PSG6: variants seen among roughly 807,000 people sequenced by gnomAD.
PSG6 encodes pregnancy-specific beta-1-glycoprotein 6.
A neutral mutation model predicts 43.3 loss-of-function variants in PSG6; 51 were observed. The ratio of observed to expected loss-of-function variants is 1.18; its 90% confidence interval spans 0.94 to 1.49. The LOEUF (loss-of-function observed/expected upper bound fraction) is 1.49, where lower values mean the gene tolerates loss of function less well. Among genes scored for constraint, PSG6 ranks in the 40% most tolerant of loss-of-function variants. PSG6 has a pLI of 0.00. For missense variants in PSG6, 770 were observed against 522.2 expected, an observed-to-expected ratio of 1.47 and a Z score of -4.62; for synonymous variants, 292 against 197.6, an observed-to-expected ratio of 1.48 and a Z score of -4.01.
Position 42,907,095 on chromosome 19 carries a change from T to A in PSG6, c.1067A>T (p.Asp356Val). The change falls in exon 5 of 6, where the codon GAC becomes GTC. Residue 356 changes from aspartate (D) to valine (V), a missense_variant. By Grantham distance (152) the Asp-to-Val change is radical (BLOSUM62 -3). Transcript: ENST00000187910. ...GENLDLSCFA[D>V]SNPPAEYSWT... ...AGAATACTCTGCCGGTGGGTTAGAG[T>A]CCGCAAAGCAGGACAAGTCGAGGTT... 1 of 1,612,550 alleles carries A rather than the reference T, an allele frequency of 6.2e-7. No individual in the cohort carries two copies. The highest frequency in any genetic ancestry group is 8.5e-7 in the Non-Finnish European group (1 of 1,179,224).
In PSG6 at chr19:42,907,099, C is replaced by T; in HGVS notation, c.1063G>A (p.Ala355Thr). ...SGENLDLSCF[A>T]DSNPPAEYSW... is the part of the protein sequence containing the mutation. Reference sequence around the variant, plus strand: ...TACTCTGCCGGTGGGTTAGAGTCCGCAAAGCAGGACAAGTCGAGGTTTTCT... The same window carrying T: ...TACTCTGCCGGTGGGTTAGAGTCCGTAAAGCAGGACAAGTCGAGGTTTTCT... Residue 355 changes from alanine (A) to threonine (T), a missense_variant, in exon 5 of 6, where the codon GCG becomes ACG. Coordinates refer to ENST00000187910, the MANE Select transcript of PSG6 (RefSeq NM_001031850.4). The T allele has an allele frequency of 1.2e-6, 2 of 1,612,698 alleles. No individual in the cohort carries two copies. The highest frequency in any genetic ancestry group is 8.5e-7 in the Non-Finnish European group (1 of 1,179,256).
intron 2 of PSG6, chr19:42,915,206 TCA>T (rs1211713327): frequency 6.6e-6 from 1 of 151,164 alleles, no homozygotes; most frequent in Admixed American, 6.6e-5. Flanking sequence ...TTCCTGTGCC[TCA>T]GTTTTCTCTC....
Position 42,916,155 on chromosome 19 carries a change from C to T in PSG6, c.397G>A (p.Val133Ile). The change falls in exon 2 of 6, where the codon GTA (valine) becomes ATA (isoleucine). Residue 133 changes from valine (V) to isoleucine (I), a missense_variant. Physicochemically the swap from Val to Ile is conservative, Grantham distance 29 (BLOSUM62 3). Coordinates refer to ENST00000187910, the MANE Select transcript of PSG6 (RefSeq NM_001031850.4). ...AAGGTGACAGTGAAATATCCAGTTACTCCTCCAGTCCCATCGCCTCGCTTT... is the reference window on the plus strand; with the variant it reads ...AAGGTGACAGTGAAATATCCAGTTATTCCTCCAGTCCCATCGCCTCGCTTT... ...IIKRGDGTGG[V>I]TGYFTVTLYS... is the part of the protein sequence containing the mutation. The T allele has an allele frequency of 1.9e-6, 3 of 1,611,980 alleles. No homozygotes were observed. Among genetic ancestry groups the T allele is most frequent in the Non-Finnish European group, 2.5e-6 (3 of 1,178,978 alleles).
chr19:42,911,020 G>A (rs1338568442), intron 2 of PSG6, among the ~76,000 whole-genome samples, 162 bp from the exon 3 acceptor site: 1 of 151,496 alleles, frequency 6.6e-6, no homozygotes, highest in Non-Finnish European at 1.5e-5. Flanking sequence ...GCAACCTGAG[G>A]GCTCAGTGAT....
At chr19:42,906,584 C>A in intron 5 of PSG6, 2 of 1,331,354 alleles carry the variant, frequency 1.5e-6, no homozygotes, top group Non-Finnish European at 2.0e-6. Context: ...AAAGACATGG[C>A]AGAAGGGGAT....
At chr19:42,906,073 G>A (rs1244413483) in intron 5 of PSG6, among the ~76,000 whole-genome samples, 2 of 151,554 alleles carry the variant, frequency 1.3e-5, no homozygotes, top group African/African-American at 4.9e-5. Context: ...GTGTCTCGTG[G>A]TCTTGCCCTC....
rs778542201 is a variant in PSG6 at position 42,917,866 on chromosome 19, A to C, written c.-74T>G. On this transcript the variant is annotated 5_prime_UTR_variant, in exon 1 of 6. Transcript: ENST00000187910. ...CAGAGACTTCCTGAGCAGGGCTGTC[A>C]GGTGTGCTGTCCTTCCTCCTTCTGT... is the stretch of plus-strand genomic sequence containing the variant. 8.5e-4 allele frequency: 1,312 copies of C among 1,538,654 alleles called. 28 individuals carry two copies. The highest frequency in any genetic ancestry group is 1.5e-4 in the Non-Finnish European group (171 of 1,131,068).
At position 42,903,656 on chromosome 19, in the gene PSG6, A is replaced by G. The variant is rs1972068498; in HGVS notation, c.1241-1210T>C. The G allele has an allele frequency of 2.6e-6, 4 of 1,527,542 alleles. 1 individual carries two copies. The highest frequency in any genetic ancestry group is 3.5e-6 in the Non-Finnish European group (4 of 1,135,640). The allele number at this position is 1,527,542 out of a possible 1,614,324, so 94.6% of individuals were successfully genotyped here. On this transcript the variant is annotated intron_variant, in intron 5 of 5. Coordinates refer to ENST00000187910, the MANE Select transcript of PSG6 (RefSeq NM_001031850.4). ...TTTAATCCTAGCACTTTGGGAGGTC[A>G]CAGCAGAAGGATTTCTTGAAACCAG...
intron 2 of PSG6, chr19:42,915,865 C>T: frequency 1.7e-6 from 1 of 582,996 alleles, no homozygotes; most frequent in Admixed American, 3.3e-5. Context: ...TTGGCTGAGA[C>T]TGATCTCCTC....
chr19:42,907,849 G>T lies in PSG6; in HGVS notation c.712C>A (p.Leu238Met). ...TTGATGGTGATGTAAGGCATGGGCA[G>T]CTTCGCTGTGTGGATAACAGAAGAT... is the stretch of plus-strand genomic sequence containing the variant. ...DPVTLNLLPK[L>M]PMPYITINNL... Residue 238 changes from leucine to methionine, a missense_variant, in exon 4 of 6, where the codon CTG becomes ATG. Physicochemically the swap from Leu to Met is conservative, Grantham distance 15. Transcript: ENST00000187910. The T allele has an allele frequency of 6.2e-7, 1 of 1,610,950 alleles. No individual in the cohort carries two copies. The highest frequency in any genetic ancestry group is 1.3e-5 in the African/African-American group (1 of 74,074).
rs1972339716 is a variant in PSG6 at position 42,916,588 on chromosome 19, G to T, written c.65-101C>A. The T allele has an allele frequency of 3.0e-5, 43 of 1,454,502 alleles. 1 individual carries two copies. The South Asian group carries it at 4.9e-4, about 17-fold the overall frequency. 90.1% of individuals were successfully genotyped at this position (1,454,502 alleles called of 1,614,324 possible). On this transcript the variant is annotated intron_variant, in intron 1 of 5. Transcript: ENST00000187910. ...GAAGGTCTCTTCAATCATCAGCCTTGAAGATATGCACACACACACATACAA... is the reference window on the plus strand; with the variant it reads ...GAAGGTCTCTTCAATCATCAGCCTTTAAGATATGCACACACACACATACAA...
chr19:42,909,690 T>C (rs368607703), intron 3 of PSG6: 55 of 151,890 alleles, frequency 3.6e-4, no homozygotes, highest in African/African-American at 1.3e-3. Flanking sequence ...GAATTGAAAT[T>C]CTTTCCTTAA....
At position 42,907,073 on chromosome 19, in the gene PSG6, A is replaced by G. The variant is rs1972127270; in HGVS notation, c.1089T>C (p.Tyr363=). 1.2e-6 allele frequency: 2 copies of G among 1,612,586 alleles called. No individual in the cohort carries two copies. The highest frequency in any genetic ancestry group is 1.1e-5 in the South Asian group (1 of 90,854). The change falls in exon 5 of 6, where the codon TAT becomes TAC. Residue 363 remains tyrosine (Y), a synonymous_variant. Coordinates refer to ENST00000187910, the MANE Select transcript of PSG6 (RefSeq NM_001031850.4). ...CFADSNPPAE[Y]SWTINGKFQL... ...GAAACTTCCCATTAATTGTCCAAGA[A>G]TACTCTGCCGGTGGGTTAGAGTCCG...
chr19:42,908,434 C>G (rs1027945673), intron 3 of PSG6, among the ~76,000 whole-genome samples: 1 of 151,664 alleles, frequency 6.6e-6, no homozygotes, highest in Admixed American at 6.6e-5. Flanking sequence ...CTAGAGGCAC[C>G]AGGTGGGGCA....
chr19:42,912,129 C>T (rs1198404256), intron 2 of PSG6, among the ~76,000 whole-genome samples: 2 of 151,594 alleles, frequency 1.3e-5, no homozygotes, highest in African/African-American at 2.4e-5. Context: ...TTAAAATCCA[C>T]AATGCGCGAG....
chr19:42,908,823 C>T (rs1268893177), intron 3 of PSG6, among the ~76,000 whole-genome samples: 1 of 151,664 alleles, frequency 6.6e-6, no homozygotes, highest in Non-Finnish European at 1.5e-5. Flanking sequence ...TCCATGGGTT[C>T]CACTAATCTA....
intron 1 of PSG6, 123 bp from the exon 2 acceptor site, chr19:42,916,610 A>G (rs1160629811): frequency 7.4e-6 from 10 of 1,348,568 alleles, no homozygotes; most frequent in Non-Finnish European, 1.0e-5. Flanking sequence ...ACACACACAT[A>G]CAAACACACA....
Position 42,907,734 on chromosome 19 carries a change from C to T in PSG6, c.827G>A (p.Gly276Asp). ...CCTCGGACTGACCGGGAGGCTCTGACCATTTAGCCACCAAATGTAGGTGTA... is the reference window on the plus strand; with the variant it reads ...CCTCGGACTGACCGGGAGGCTCTGATCATTTAGCCACCAAATGTAGGTGTA... ...RNYTYIWWLN[G>D]QSLPVSPRVK... Residue 276 changes from glycine (G) to aspartate (D), a missense_variant, in exon 4 of 6, where the codon GGT (glycine) becomes GAT (aspartate). Physicochemically the swap from Gly to Asp is moderately conservative, Grantham distance 94. Transcript: ENST00000187910. The T allele has an allele frequency of 6.2e-7, 1 of 1,610,824 alleles. No individual in the cohort carries two copies. Among genetic ancestry groups the T allele is most frequent in the Non-Finnish European group, 8.5e-7 (1 of 1,179,118 alleles).
In PSG6 at chr19:42,902,400, T is replaced by C. The variant is rs774246249; in HGVS notation, c.*12A>G. ...CCTGTTCTTTTTCTCAGTGTCTCTA[T>C]TGTGGCAGCCATTAATGAGACTCTG... On this transcript the variant is annotated 3_prime_UTR_variant, in exon 6 of 6. Transcript: ENST00000187910. The C allele has an allele frequency of 3.1e-6, 5 of 1,610,638 alleles. 1 individual carries two copies. Among genetic ancestry groups the C allele is most frequent in the Non-Finnish European group, 4.2e-6 (5 of 1,178,060 alleles).
Sources: gnomAD v4.1 joint callset for allele counts (sites outside exome capture counted in the v4.1 genomes callset) on GRCh38, gnomAD v4.1.1 for gene constraint, MANE v1.5 for transcripts, NCBI Gene and HGNC (gene_info 2026-07-23, HGNC 2026-07-21) for gene names.